EFHC1: variants seen among roughly 807,000 people sequenced by gnomAD.
EFHC1 encodes the protein EF-hand domain containing 1.
In EFHC1, 53 loss-of-function variants were observed where a neutral mutation model predicts 69.9. The observed-to-expected ratio is 0.76, with a 90% confidence interval of 0.61 to 0.95. EFHC1 has a LOEUF of 0.95. Ranked by LOEUF, EFHC1 falls within the 40% of genes least tolerant of loss-of-function variation. The pLI is 0.00. For missense variants in EFHC1, 739 were observed against 798.7 expected, an observed-to-expected ratio of 0.93 and a Z score of 0.90; for synonymous variants, 256 against 278.4, an observed-to-expected ratio of 0.92 and a Z score of 0.80.
At chr6:52,473,503 G>A (rs534578940) in intron 7 of EFHC1, among the ~76,000 whole-genome samples, 8 of 152,258 alleles carry the variant, frequency 5.3e-5, no homozygotes, top group African/African-American at 1.2e-4. Flanking sequence ...ATAAATGACC[G>A]GGCACGGTGG....
chr6:52,449,297 C>T (rs1435543256), intron 3 of EFHC1, among the ~76,000 whole-genome samples: 1 of 151,186 alleles, frequency 6.6e-6, no homozygotes, highest in Non-Finnish European at 1.5e-5. Flanking sequence ...AGGAGAATGG[C>T]GTGAACCCAG....
chr6:52,464,944 A>G lies in EFHC1; in HGVS notation c.966A>G (p.Glu322=). 6.2e-7 allele frequency: 1 copy of G among 1,614,166 alleles called. No homozygotes were observed. Among genetic ancestry groups the G allele is most frequent in the Non-Finnish European group, 8.5e-7 (1 of 1,180,014 alleles). The change falls in exon 6 of 11, where the codon GAA becomes GAG. Residue 322 remains glutamate, a synonymous_variant. Coordinates refer to ENST00000371068, the MANE Select transcript of EFHC1 (RefSeq NM_018100.4). ...VLEISDQEVL[E]WYTAKDFIVG... Reference sequence around the variant, plus strand: ...AAATCTCTGACCAAGAAGTGTTGGAATGGTATACTGCTAAAGACTTCATTG... The same window carrying G: ...AAATCTCTGACCAAGAAGTGTTGGAGTGGTATACTGCTAAAGACTTCATTG...
At chr6:52,467,571 T>G (rs1444760338) in intron 6 of EFHC1, among the ~76,000 whole-genome samples, 1 of 152,106 alleles carries the variant, frequency 6.6e-6, no homozygotes, top group Non-Finnish European at 1.5e-5. Context: ...TCTCCTAACC[T>G]ATCTTGAAGT....
chr6:52,431,424 G>GCA (rs1764411565), intron 2 of EFHC1, among the ~76,000 whole-genome samples: 1 of 152,006 alleles, frequency 6.6e-6, no homozygotes, highest in Admixed American at 6.6e-5. Context: ...CAGTTCGAAT[G>GCA]ATTGTTTAAT....
intron 9 of EFHC1, chr6:52,485,510 C>T (rs923614018): frequency 3.3e-5 from 5 of 152,132 alleles, no homozygotes; most frequent in African/African-American, 1.2e-4. Context: ...CCCCATGAAG[C>T]CTTATGTTGA....
intron 3 of EFHC1, among the ~76,000 whole-genome samples, chr6:52,442,401 T>C (rs635847): frequency 0.4 from 61,455 of 151,824 alleles, 12,921 homozygotes; most frequent in African/African-American, 0.51. Context: ...TACCCATTAA[T>C]TTGTCATTCA....
Position 52,492,897 on chromosome 6 carries a change from A to C in EFHC1, c.*556A>C. 2 of 454,044 alleles carry C rather than the reference A, an allele frequency of 4.4e-6. No individual in the cohort carries two copies. The highest frequency in any genetic ancestry group is 3.1e-5 in the South Asian group (2 of 64,434). The allele number at this position is 454,044 out of a possible 1,614,324, so 28.1% of individuals were successfully genotyped here. On this transcript the variant is annotated 3_prime_UTR_variant, in exon 11 of 11. Coordinates refer to ENST00000371068, the MANE Select transcript of EFHC1 (RefSeq NM_018100.4). ...CTCCAAAAGTGCTGGGATTATAGGC[A>C]TGAGCCACTGTGCCCAGCCTCAGAT...
At chr6:52,457,360 A>G (rs972964273) in intron 5 of EFHC1, among the ~76,000 whole-genome samples, 2 of 152,230 alleles carry the variant, frequency 1.3e-5, no homozygotes, top group African/African-American at 2.4e-5. Context: ...CAGATTTAGA[A>G]TGGCAGAGAA....
intron 3 of EFHC1, among the ~76,000 whole-genome samples, chr6:52,451,546 T>A (rs918913695): frequency 6.6e-6 from 1 of 152,208 alleles, no homozygotes; most frequent in Non-Finnish European, 1.5e-5. Flanking sequence ...ACCTGCCCTT[T>A]CTCTGTAGCT....
At chr6:52,451,238 T>G (rs905024722) in intron 3 of EFHC1, among the ~76,000 whole-genome samples, 9 of 152,226 alleles carry the variant, frequency 5.9e-5, no homozygotes, top group African/African-American at 2.2e-4. Flanking sequence ...GTGTCACTGG[T>G]CTGTGTACTT....
At chr6:52,468,448 T>G (rs907837419) in intron 6 of EFHC1, 1 of 152,212 alleles carries the variant, frequency 6.6e-6, no homozygotes, top group African/African-American at 2.4e-5. Context: ...AGTGAGTATA[T>G]TCAGGAAAAA....
At chr6:52,484,238 C>T (rs954075063) in intron 9 of EFHC1, 52 of 152,058 alleles carry the variant, frequency 3.4e-4, no homozygotes, top group African/African-American at 1.2e-3. Context: ...CTCAAACTTC[C>T]GGGTCTTGAG....
chr6:52,471,880 A>C lies in EFHC1; in HGVS notation c.1278+2407A>C, dbSNP rs549079758. Among the ~76,000 whole-genome samples the C allele has an allele frequency of 9.8e-4, 149 of 151,718 alleles. 1 individual carries two copies. The highest frequency in any genetic ancestry group is 3.1e-3 in the East Asian group (16 of 5,190). ...AAGACTCCGTCTAAAAATAAAATAA[A>C]ATAAATAAATAACTAAATAATAAAA... On this transcript the variant is annotated intron_variant, in intron 7 of 10. Coordinates refer to ENST00000371068, the MANE Select transcript of EFHC1 (RefSeq NM_018100.4).
At position 52,494,400 on chromosome 6, in the gene EFHC1, G is replaced by C. The variant is rs769719142; in HGVS notation, c.*2059G>C. The C allele has an allele frequency of 1.3e-5, 6 of 454,082 alleles. No homozygotes were observed. The highest frequency in any genetic ancestry group is 9.3e-5 in the South Asian group (6 of 64,476). 28.1% of individuals were successfully genotyped at this position (454,082 alleles called of 1,614,324 possible). ...TCTTACTCCCTTCTTTCTGTCTTCTGCTCCCTTTGTTCCTATTCAGCCATG... is the reference window on the plus strand; with the variant it reads ...TCTTACTCCCTTCTTTCTGTCTTCTCCTCCCTTTGTTCCTATTCAGCCATG... On this transcript the variant is annotated 3_prime_UTR_variant, in exon 11 of 11. Transcript: ENST00000371068.
At chr6:52,445,357 G>C (rs976031171) in intron 3 of EFHC1, among the ~76,000 whole-genome samples, 3 of 151,278 alleles carry the variant, frequency 2.0e-5, no homozygotes, top group African/African-American at 7.3e-5. Flanking sequence ...GTGCAGGTTA[G>C]TTACATACGT....
At chr6:52,441,872 G>A (rs553329) in intron 3 of EFHC1, among the ~76,000 whole-genome samples, 10,934 of 152,056 alleles carry the variant, frequency 0.072, 794 homozygotes, top group African/African-American at 0.18. Flanking sequence ...GTTGTAAATG[G>A]GATTGTGTTC....
chr6:52,445,264 AT>A lies in EFHC1; in HGVS notation c.573+6684del, dbSNP rs751432114. Among the ~76,000 whole-genome samples the A allele has an allele frequency of 2.1e-3, 297 of 140,222 alleles. 1 individual carries two copies. The highest frequency in any genetic ancestry group is 4.9e-3 in the African/African-American group (189 of 38,188). The allele number at this position is 140,222 out of a possible 152,430, so 92.0% of individuals were successfully genotyped here. On this transcript the variant is annotated intron_variant, in intron 3 of 10. Coordinates refer to ENST00000371068, the MANE Select transcript of EFHC1 (RefSeq NM_018100.4). ...AAAAAACCAGCTCCTGGATTCATTG[AT>A]TTTTTTTTTTGGTTTTTTAATTAAT...
chr6:52,454,276 T>G lies in EFHC1; in HGVS notation c.905T>G (p.Val302Gly). The change falls in exon 5 of 11, where the codon GTG becomes GGG. Residue 302 changes from valine to glycine, a missense_variant. Transcript: ENST00000371068. The part of the protein sequence containing the change: ...MNRQRVPKVL[V>G]ENAKNFPQCV... ...CGCCAGCGTGTGCCCAAAGTTTTGG[T>G]GGAAAATGCAAGTATGTTTGATTCA... The G allele has an allele frequency of 6.2e-7, 1 of 1,614,120 alleles. No homozygotes were observed. The highest frequency in any genetic ancestry group is 8.5e-7 in the Non-Finnish European group (1 of 1,179,992).
At chr6:52,469,034 G>A (rs888529626) in intron 6 of EFHC1, 13 of 406,264 alleles carry the variant, frequency 3.2e-5, no homozygotes, top group South Asian at 3.0e-4. Context: ...CCTCACTGGG[G>A]TGGGACTAGG....
Sources: gnomAD v4.1 joint callset for allele counts (sites outside exome capture counted in the v4.1 genomes callset) on GRCh38, gnomAD v4.1.1 for gene constraint, MANE v1.5 for transcripts, NCBI Gene and HGNC (gene_info 2026-07-23, HGNC 2026-07-21) for gene names.